CIROZ: variants seen among roughly 807,000 people sequenced by gnomAD.
CIROZ encodes ciliated left-right organizer ZP-N domains-containing protein.
the CIROZ span, among the ~76,000 whole-genome samples, chr1:10,954,610 G>A: frequency 1.3e-5 from 2 of 152,256 alleles, no homozygotes; most frequent in Non-Finnish European, 1.5e-5. Flanking sequence ...TTCAGCCAGC[G>A]CCACAGCTCT....
At chr1:10,953,473 T>C in the CIROZ span, among the ~76,000 whole-genome samples, 1 of 152,130 alleles carries the variant, frequency 6.6e-6, no homozygotes, top group Non-Finnish European at 1.5e-5. Context: ...TAGAAGAAGG[T>C]TCCTCTTGAG....
the CIROZ span, among the ~76,000 whole-genome samples, chr1:10,959,529 G>A: frequency 6.6e-6 from 1 of 152,200 alleles, no homozygotes; most frequent in Non-Finnish European, 1.5e-5. This position sits in a 1 kb window ranked among gnomAD's most constrained non-coding sequence, Gnocchi z 4.3. Flanking sequence ...CGTCAGACTT[G>A]GCCAGGGAGG....
the CIROZ span, chr1:10,970,196 C>A: frequency 9.1e-7 from 1 of 1,103,698 alleles, no homozygotes; most frequent in South Asian, 1.6e-5. Flanking sequence ...GAGCTCCTCT[C>A]AGCCTGGCTT....
At chr1:10,966,579 GCCTGGAAGCTTCTTA>G in the CIROZ span, 2 of 1,308,706 alleles carry the variant, frequency 1.5e-6, no homozygotes, top group Admixed American at 5.8e-5. Flanking sequence ...AAACTGCTCC[GCCTGGAAGCTTCTTA>G]CCTGGAAGGG....
chr1:10,971,222 C>G, the CIROZ span, among the ~76,000 whole-genome samples: 7 of 149,836 alleles, frequency 4.7e-5, no homozygotes, highest in South Asian at 1.3e-3. Flanking sequence ...GCTGACCACT[C>G]CAGGCAGAGA....
the CIROZ span, chr1:10,949,829 A>G: frequency 6.5e-7 from 1 of 1,531,972 alleles, no homozygotes; most frequent in Non-Finnish European, 8.8e-7. Flanking sequence ...CAGAGAGAAG[A>G]CAGAGGTCAG....
chr1:10,965,075 G>T, the CIROZ span, among the ~76,000 whole-genome samples: 1 of 152,254 alleles, frequency 6.6e-6, no homozygotes, highest in South Asian at 2.1e-4. Context: ...GTACAAGGCG[G>T]ACTTCAAAGA....
the CIROZ span, chr1:10,957,883 G>A: frequency 3.7e-6 from 4 of 1,077,374 alleles, no homozygotes; most frequent in East Asian, 2.4e-5. Context: ...TCTAGGCCAG[G>A]AGGCAGGACG....
the CIROZ span, among the ~76,000 whole-genome samples, chr1:10,951,745 A>AAAAAATATATATATATATATATAT: frequency 8.4e-6 from 1 of 119,204 alleles, no homozygotes; most frequent in African/African-American, 3.6e-5. Flanking sequence ...AAAAAAAAAA[A>AAAAAATATATATATATATATATAT]ATATATATAT....
the CIROZ span, chr1:10,947,852 C>A: frequency 6.2e-7 from 1 of 1,606,382 alleles, no homozygotes; most frequent in Non-Finnish European, 8.5e-7. Context: ...CCCACAGGCT[C>A]AGGGTTTGCG....
the CIROZ span, chr1:10,981,989 A>G: frequency 3.0e-5 from 46 of 1,537,200 alleles, no homozygotes; most frequent in Non-Finnish European, 3.8e-5. Flanking sequence ...GCTTCTCCCA[A>G]TTCCTGAATA....
At chr1:10,979,457 T>C in the CIROZ span, among the ~76,000 whole-genome samples, 5 of 152,058 alleles carry the variant, frequency 3.3e-5, no homozygotes, top group Non-Finnish European at 5.9e-5. Flanking sequence ...CAGGGAGAGA[T>C]TGGCAGAATG....
the CIROZ span, among the ~76,000 whole-genome samples, chr1:10,973,568 G>A: frequency 6.6e-6 from 1 of 152,090 alleles, no homozygotes; most frequent in East Asian, 1.9e-4. Flanking sequence ...ACAACCCCAC[G>A]AGGAAAGGGC....
At chr1:10,954,062 A>G in the CIROZ span, 3 of 1,613,696 alleles carry the variant, frequency 1.9e-6, no homozygotes, top group Non-Finnish European at 2.5e-6. Flanking sequence ...GGACCGGGGC[A>G]GCCATCTCGG....
At chr1:10,949,893 G>A in the CIROZ span, 2 of 1,298,882 alleles carry the variant, frequency 1.5e-6, no homozygotes, top group South Asian at 1.5e-5. Context: ...GGGACCATGA[G>A]TGACCCCTTT....
At chr1:10,947,413 C>G in the CIROZ span, among the ~76,000 whole-genome samples, 5 of 152,364 alleles carry the variant, frequency 3.3e-5, no homozygotes, top group East Asian at 9.6e-4. Flanking sequence ...GGTTCCATGG[C>G]AGCAGCTGGT....
At chr1:10,981,689 T>G in the CIROZ span, among the ~76,000 whole-genome samples, 1 of 152,142 alleles carries the variant, frequency 6.6e-6, no homozygotes, top group Non-Finnish European at 1.5e-5. Context: ...TTGTTTTGTT[T>G]TAAGGACCCT....
At chr1:10,981,898 C>T in the CIROZ span, 1 of 1,367,186 alleles carries the variant, frequency 7.3e-7, no homozygotes. Context: ...GGCCCCCTTC[C>T]CTCTTAGATG....
the CIROZ span, chr1:10,958,877 C>T: frequency 6.6e-6 from 6 of 914,176 alleles, no homozygotes; most frequent in South Asian, 1.6e-5. Context: ...AGCTGTGCCG[C>T]AGGGTTGTTT....
Sources: gnomAD v4.1 joint callset for allele counts (sites outside exome capture counted in the v4.1 genomes callset) on GRCh38, gnomAD v4.1.1 for gene constraint, Gnocchi (gnomAD v3.1) non-coding constraint, MANE v1.5 for transcripts, NCBI Gene and HGNC (gene_info 2026-07-23, HGNC 2026-07-21) for gene names.